Variants in ADK observed in about 807,000 individuals in gnomAD.
The protein encoded by ADK is N6,N6-dimethyladenosine kinase.
A neutral mutation model predicts 44.7 loss-of-function variants in ADK; 24 were observed. That is an observed-to-expected ratio of 0.54 (90% confidence interval 0.39 to 0.76). The LOEUF (loss-of-function observed/expected upper bound fraction) is 0.76, where lower values mean the gene tolerates loss of function less well. ADK is among the 30% of genes least tolerant of loss of function. The pLI, the probability that ADK is intolerant of heterozygous loss-of-function variation, is 0.00. For missense variants in ADK, 321 were observed against 425.1 expected (o/e 0.76, Z 2.15); for synonymous variants, 128 against 142.6 (o/e 0.90, Z 0.73).
chr10:74,185,819 A>G (rs1177798348), intron 1 of ADK, among the ~76,000 whole-genome samples: 1 of 147,592 alleles, frequency 6.8e-6, no homozygotes. Context: ...CCTGGGCGAC[A>G]AAGCGAGACT....
At chr10:74,377,944 T>G (rs942536467) in intron 4 of ADK, among the ~76,000 whole-genome samples, 52 of 152,160 alleles carry the variant, frequency 3.4e-4, no homozygotes, top group African/African-American at 9.9e-4. Context: ...ATAAAATTTT[T>G]GGGTGATCCT....
At chr10:74,617,493 C>G (rs1408739790) in intron 9 of ADK, among the ~76,000 whole-genome samples, 2 of 152,120 alleles carry the variant, frequency 1.3e-5, no homozygotes, top group Admixed American at 1.3e-4. Flanking sequence ...GTGTGAATTA[C>G]AGATTGATTA....
chr10:74,312,038 C>T lies in ADK; in HGVS notation c.195-2629C>T, dbSNP rs537220575. Among the ~76,000 whole-genome samples the T allele has an allele frequency of 2.3e-3, 348 of 152,130 alleles. 2 individuals are homozygous for T. The highest frequency in any genetic ancestry group is 7.9e-3 in the African/African-American group (328 of 41,522). The stretch of plus-strand genomic sequence containing the variant: ...AAAATTAGCTGGGCATGGTGGGATG[C>T]GCCTGTAGTCCCAGCTACTTGGGAG... On this transcript the variant is annotated intron_variant, in intron 3 of 10. Transcript: ENST00000539909.
At position 74,438,928 on chromosome 10, in the gene ADK, T is replaced by C. The variant is rs569172499; in HGVS notation, c.555+40349T>C. ...TAGATAATGTGGCCTATTTTTTACG[T>C]TAGACTACCTGATAAGGTGTCAACT... is the stretch of plus-strand genomic sequence containing the variant. On this transcript the variant is annotated intron_variant, in intron 6 of 10. Coordinates refer to ENST00000539909, the MANE Select transcript of ADK (RefSeq NM_006721.4). Among the ~76,000 whole-genome samples, 3 of 152,330 alleles carry C rather than the reference T, an allele frequency of 2.0e-5. No homozygotes were observed. The South Asian group carries it at 6.2e-4, about 32-fold the overall frequency.
intron 6 of ADK, among the ~76,000 whole-genome samples, chr10:74,485,462 A>T (rs899651519): frequency 6.9e-6 from 1 of 143,966 alleles, no homozygotes; most frequent in Non-Finnish European, 1.5e-5. Context: ...ACCCTGTCTC[A>T]AAATAAATAA....
intron 6 of ADK, among the ~76,000 whole-genome samples, chr10:74,426,142 T>C (rs533985976): frequency 6.6e-6 from 1 of 152,292 alleles, no homozygotes; most frequent in East Asian, 1.9e-4. Flanking sequence ...ATCTACTATT[T>C]CAGTATATGA....
At chr10:74,484,378 G>A (rs1466372345) in intron 6 of ADK, among the ~76,000 whole-genome samples, 1 of 152,120 alleles carries the variant, frequency 6.6e-6, no homozygotes, top group South Asian at 2.1e-4. Flanking sequence ...TAACACTGGG[G>A]ATTAAAATAA....
chr10:74,609,318 G>A (rs1852456999), intron 9 of ADK, among the ~76,000 whole-genome samples: 1 of 152,150 alleles, frequency 6.6e-6, no homozygotes, highest in Non-Finnish European at 1.5e-5. Context: ...CTTGGTGTCT[G>A]CCCAAACAGC....
chr10:74,310,422 G>A (rs971118417), intron 3 of ADK, among the ~76,000 whole-genome samples: 1 of 151,974 alleles, frequency 6.6e-6, no homozygotes, highest in African/African-American at 2.4e-5. Flanking sequence ...CTTCTCTCCT[G>A]TATTTCTTTT....
chr10:74,406,615 T>A (rs917208187), intron 6 of ADK, among the ~76,000 whole-genome samples: 3 of 151,752 alleles, frequency 2.0e-5, no homozygotes, highest in Admixed American at 6.6e-5. Flanking sequence ...TTCAATATTT[T>A]TGTTTTTCTA....
chr10:74,344,980 G>A (rs745780809), intron 4 of ADK, among the ~76,000 whole-genome samples: 18 of 152,192 alleles, frequency 1.2e-4, no homozygotes, highest in Non-Finnish European at 2.5e-4. Flanking sequence ...ACTGCCAGTC[G>A]AGTCTGAGGA....
intron 1 of ADK, among the ~76,000 whole-genome samples, chr10:74,183,423 A>G (rs1842633943): frequency 6.6e-6 from 1 of 152,098 alleles, no homozygotes; most frequent in Non-Finnish European, 1.5e-5. Flanking sequence ...AAATACGAAA[A>G]TTTGCAGGGT....
At chr10:74,326,336 C>T (rs181315884) in intron 4 of ADK, among the ~76,000 whole-genome samples, 11 of 151,746 alleles carry the variant, frequency 7.2e-5, no homozygotes, top group Middle Eastern at 3.4e-3. Context: ...TGTTGGCTTA[C>T]GCCAGTACCC....
chr10:74,455,805 T>C (rs1845924604), intron 6 of ADK, among the ~76,000 whole-genome samples: 1 of 152,090 alleles, frequency 6.6e-6, no homozygotes, highest in African/African-American at 2.4e-5. Flanking sequence ...ATTCTTTTCT[T>C]TAAGAATATT....
chr10:74,295,475 A>T (rs902183581), intron 3 of ADK, among the ~76,000 whole-genome samples: 1 of 148,204 alleles, frequency 6.7e-6, no homozygotes, highest in African/African-American at 2.4e-5. Flanking sequence ...AAAAAAAAAA[A>T]ATTTTTTTAA....
intron 3 of ADK, among the ~76,000 whole-genome samples, chr10:74,268,529 A>G (rs1369461952): frequency 6.6e-6 from 1 of 152,220 alleles, no homozygotes; most frequent in Admixed American, 6.5e-5. Context: ...ATGATAAAAT[A>G]AGATAATGTG....
chr10:74,595,401 G>A (rs375513252), intron 8 of ADK, among the ~76,000 whole-genome samples: 98,561 of 99,754 alleles, frequency 0.99, 48,684 homozygotes, highest in Non-Finnish European at 0.99. Context: ...TTGGGGAGGG[G>A]GTTTGGCTTT....
intron 9 of ADK, among the ~76,000 whole-genome samples, chr10:74,611,114 A>G (rs754022013): frequency 1.3e-4 from 19 of 151,978 alleles, no homozygotes; most frequent in Non-Finnish European, 2.4e-4. Context: ...TGCAACCTCA[A>G]CCGGGCTCAA....
At chr10:74,401,660 G>A (rs1843719638) in intron 6 of ADK, among the ~76,000 whole-genome samples, 1 of 151,950 alleles carries the variant, frequency 6.6e-6, no homozygotes, top group Admixed American at 6.6e-5. Flanking sequence ...TGGGTCTCCT[G>A]AATACAGTAC....
Sources: allele counts gnomAD v4.1 joint callset (sites outside exome capture counted in the v4.1 genomes callset), GRCh38; gene constraint gnomAD v4.1.1; transcripts MANE v1.5; gene names NCBI Gene and HGNC (gene_info 2026-07-23, HGNC 2026-07-21).